Variants in CNBD1 observed in about 807,000 individuals in gnomAD.
CNBD1 encodes cyclic nucleotide-binding domain-containing protein 1.
CNBD1 carries 71 observed loss-of-function variants against 54.4 expected under a neutral mutation model. The ratio of observed to expected loss-of-function variants is 1.30; its 90% confidence interval spans 1.08 to 1.59. The LOEUF is 1.59. Among genes scored for constraint, CNBD1 ranks in the 40% most tolerant of loss-of-function variants. The pLI is 0.00. For synonymous variants in CNBD1, 182 were observed against 170.7 expected, an observed-to-expected ratio of 1.07 and a Z score of -0.51; for missense variants, 659 against 518.0, an observed-to-expected ratio of 1.27 and a Z score of -2.64.
At chr8:87,426,136 T>G (rs973466642) in intron 2 of CNBD1, among the ~76,000 whole-genome samples, 1 of 152,232 alleles carries the variant, frequency 6.6e-6, no homozygotes, top group Admixed American at 6.5e-5. Flanking sequence ...CCCTGAGCCC[T>G]TGTGCTTCCT....
At chr8:86,899,757 G>T (rs1211895488) in intron 2 of CNBD1, among the ~76,000 whole-genome samples, 1 of 151,976 alleles carries the variant, frequency 6.6e-6, no homozygotes, top group Non-Finnish European at 1.5e-5. Flanking sequence ...AGTAACATGT[G>T]GCCTAAATTA....
At chr8:86,938,443 A>C (rs1422348148) in intron 3 of CNBD1, among the ~76,000 whole-genome samples, 1 of 151,354 alleles carries the variant, frequency 6.6e-6, no homozygotes, top group Admixed American at 6.6e-5. Flanking sequence ...AGACATACCC[A>C]AAACTGGGAA....
At chr8:87,086,233 A>C (rs1355656242) in intron 4 of CNBD1, among the ~76,000 whole-genome samples, 3 of 152,124 alleles carry the variant, frequency 2.0e-5, no homozygotes, top group African/African-American at 4.8e-5. Flanking sequence ...GGTTTTTCTT[A>C]CTGGGTTATA....
chr8:86,968,593 G>T (rs56363223), intron 4 of CNBD1, among the ~76,000 whole-genome samples: 2,837 of 152,284 alleles, frequency 0.019, 36 homozygotes, highest in Non-Finnish European at 0.029. Flanking sequence ...GATTTTGAAG[G>T]CCTCAGTATT....
chr8:86,867,775 A>G (rs987841335), intron 1 of CNBD1, among the ~76,000 whole-genome samples: 2 of 152,242 alleles, frequency 1.3e-5, no homozygotes, highest in South Asian at 4.1e-4. Flanking sequence ...GAAACTCGGT[A>G]GCTGGGAGTT....
chr8:87,014,155 A>C lies in CNBD1; in HGVS notation c.431+74401A>C, dbSNP rs1194269579. 9.2e-5 allele frequency among the ~76,000 whole-genome samples: 14 copies of C among 152,200 alleles called. No homozygotes were observed. The South Asian group carries it at 1.5e-3, about 16-fold the overall frequency. On this transcript the variant is annotated intron_variant, in intron 4 of 10. Transcript: ENST00000518476. ...AATCAAATACAGAAAACAAAAAAAA[A>C]CCAGAAGAGTAGTCAAATGTTTTTT...
At chr8:87,004,649 A>T (rs956052875) in intron 4 of CNBD1, among the ~76,000 whole-genome samples, 17 of 152,022 alleles carry the variant, frequency 1.1e-4, no homozygotes, top group Non-Finnish European at 2.4e-4. Context: ...CAATCCATAT[A>T]CTCTACCAAC....
chr8:87,342,679 G>A (rs1027325616), intron 8 of CNBD1, among the ~76,000 whole-genome samples: 3 of 152,060 alleles, frequency 2.0e-5, no homozygotes, highest in Non-Finnish European at 4.4e-5. Flanking sequence ...GTAGGGCCGT[G>A]ATGGCGACCT....
chr8:87,019,808 G>A (rs1172338197), intron 4 of CNBD1, among the ~76,000 whole-genome samples: 1 of 152,144 alleles, frequency 6.6e-6, no homozygotes, highest in Non-Finnish European at 1.5e-5. Flanking sequence ...AACCCAGGAG[G>A]CAGAGGTTGC....
intron 4 of CNBD1, among the ~76,000 whole-genome samples, chr8:87,098,557 C>T (rs1811361942): frequency 6.6e-6 from 1 of 151,954 alleles, no homozygotes; most frequent in Non-Finnish European, 1.5e-5. Context: ...ACATGAAGCT[C>T]TTTAGAGGTA....
intron 4 of CNBD1, among the ~76,000 whole-genome samples, chr8:87,063,199 G>A (rs1229323986): frequency 1.3e-5 from 2 of 152,118 alleles, no homozygotes; most frequent in Non-Finnish European, 2.9e-5. Context: ...TTGGAACTTA[G>A]CTACAGAAAA....
intron 2 of CNBD1, among the ~76,000 whole-genome samples, chr8:87,392,950 A>T (rs925166911): frequency 2.0e-5 from 3 of 151,948 alleles, no homozygotes; most frequent in Non-Finnish European, 4.4e-5. Context: ...GCATTTAACT[A>T]GTTTTTATTT....
Position 87,255,817 on chromosome 8 carries a change from C to A in CNBD1, c.771+18705C>A, listed in dbSNP as rs1807996751. On this transcript the variant is annotated intron_variant, in intron 6 of 10. Coordinates refer to ENST00000518476, the MANE Select transcript of CNBD1 (RefSeq NM_173538.3). ...TTATTTTTTAAAATGACTATTTTAA[C>A]AAACTACTTCATAGGGTAATTATGA... is the stretch of plus-strand genomic sequence containing the variant. Among the ~76,000 whole-genome samples, 3 of 150,032 alleles carry A rather than the reference C, an allele frequency of 2.0e-5. No individual in the cohort carries two copies. In the Admixed American group the frequency reaches 2.0e-4, roughly 10 times the overall value.
At chr8:87,164,578 A>G (rs1412516583) in intron 4 of CNBD1, among the ~76,000 whole-genome samples, 1 of 151,702 alleles carries the variant, frequency 6.6e-6, no homozygotes. Flanking sequence ...ATTTGTTGGC[A>G]TATAATTGTT....
At chr8:87,222,810 C>T (rs1045587155) in intron 5 of CNBD1, among the ~76,000 whole-genome samples, 2 of 152,096 alleles carry the variant, frequency 1.3e-5, no homozygotes, top group South Asian at 4.1e-4. Context: ...TTTTTAATGC[C>T]TTCTGTTCAT....
rs1395359104 is a variant in CNBD1 at position 86,916,500 on chromosome 8, G to A, written c.272+11306G>A. ...AGAGTTGTATGCGTGCTCTCTTGAG[G>A]CATTCTTCCCTTACCACTTGAGTGT... On this transcript the variant is annotated intron_variant, in intron 3 of 10. Transcript: ENST00000518476. Among the ~76,000 whole-genome samples the A allele has an allele frequency of 2.0e-5, 3 of 152,018 alleles. No individual in the cohort carries two copies. The East Asian group carries it at 5.8e-4, about 29-fold the overall frequency.
At chr8:86,866,814 C>T (rs1251577198) in intron 1 of CNBD1, among the ~76,000 whole-genome samples, 2 of 152,036 alleles carry the variant, frequency 1.3e-5, no homozygotes, top group African/African-American at 4.8e-5. Context: ...AGGATCTTTA[C>T]GAACTCTTAG....
rs935411069 is a variant in CNBD1, at chr8:87,087,027, T to C, written c.432-118966T>C. ...AATGTTTAACAGGACTCCAGTGATA[T>C]TCCTCTGAACCAGTCATTGTCCCCA... On this transcript the variant is annotated intron_variant, in intron 4 of 10. Transcript: ENST00000518476. Among the ~76,000 whole-genome samples the C allele has an allele frequency of 2.0e-5, 3 of 151,916 alleles. No homozygotes were observed. In the East Asian group the frequency reaches 5.8e-4, roughly 29 times the overall value.
chr8:87,303,893 C>T (rs999095071), intron 8 of CNBD1, among the ~76,000 whole-genome samples: 2 of 152,102 alleles, frequency 1.3e-5, no homozygotes, highest in Admixed American at 6.6e-5. Flanking sequence ...AAAATGCTCA[C>T]CATCACTGGC....
Sources: gnomAD v4.1 joint callset for allele counts (sites outside exome capture counted in the v4.1 genomes callset) on GRCh38, gnomAD v4.1.1 for gene constraint, MANE v1.5 for transcripts, NCBI Gene and HGNC (gene_info 2026-07-23, HGNC 2026-07-21) for gene names.